The following FAM135B variants were observed in gnomAD, a reference collection of about 807,000 sequenced individuals.
The protein encoded by FAM135B is family with sequence similarity 135 member B.
In FAM135B, 43 loss-of-function variants were observed where a neutral mutation model predicts 127.7. That is an observed-to-expected ratio of 0.34 (90% CI 0.26 to 0.43). The LOEUF is 0.43. FAM135B is among the 20% of genes least tolerant of loss of function. The pLI, the probability that FAM135B is intolerant of heterozygous loss-of-function variation, is 1.00. For missense variants in FAM135B, 1,558 were observed against 1,725.6 expected (o/e 0.90, Z 1.72); for synonymous variants, 670 against 665.1 (o/e 1.01, Z -0.11).
intron 2 of FAM135B, among the ~76,000 whole-genome samples, chr8:138,335,523 A>C (rs1299593862): frequency 1.3e-5 from 2 of 152,302 alleles, no homozygotes; most frequent in East Asian, 1.9e-4. Flanking sequence ...CCATTACATA[A>C]TGGTAAAGGG....
At chr8:138,298,388 A>C (rs1010297346) in intron 3 of FAM135B, among the ~76,000 whole-genome samples, 1 of 152,240 alleles carries the variant, frequency 6.6e-6, no homozygotes, top group East Asian at 1.9e-4. Context: ...TTCCTCTCTC[A>C]GAAGGTGACA....
chr8:138,337,009 T>C (rs1486350119), intron 2 of FAM135B, among the ~76,000 whole-genome samples: 18 of 152,022 alleles, frequency 1.2e-4, no homozygotes, highest in Admixed American at 2.6e-4. Flanking sequence ...ACAAAAACCA[T>C]ATGATTATCT....
chr8:138,372,561 C>T (rs1831202275), intron 1 of FAM135B, among the ~76,000 whole-genome samples: 1 of 152,164 alleles, frequency 6.6e-6, no homozygotes, highest in Non-Finnish European at 1.5e-5. Flanking sequence ...TATTATCTTC[C>T]TGGGCCTCAT....
In FAM135B at chr8:138,144,996, T is replaced by TTTTAG. The variant is rs548056862; in HGVS notation, c.3540+958_3540+962dup. ...TGACTGGCCTGGTTATCCTATTTTA[T>TTTTAG]TTTAGTTTAGTTTAGTTTAGTTTTA... On this transcript the variant is annotated intron_variant, in intron 15 of 19. Transcript: ENST00000395297. Among the ~76,000 whole-genome samples, 573 of 152,214 alleles carry TTTTAG rather than the reference T, an allele frequency of 3.8e-3. 1 individual carries two copies. Among genetic ancestry groups the TTTTAG allele is most frequent in the African/African-American group, 0.013 (550 of 41,522 alleles).
At chr8:138,306,197 G>A (rs1390303488) in intron 3 of FAM135B, among the ~76,000 whole-genome samples, 1 of 152,114 alleles carries the variant, frequency 6.6e-6, no homozygotes, top group African/African-American at 2.4e-5. Context: ...CACTTTGGGA[G>A]GCTGAGGCGG....
chr8:138,335,326 T>C (rs1351978376), intron 2 of FAM135B, among the ~76,000 whole-genome samples: 7 of 152,150 alleles, frequency 4.6e-5, no homozygotes. Context: ...AGCACCCTCA[T>C]CATCTTATTA....
At chr8:138,481,202 T>A (rs1017973659) in intron 1 of FAM135B, among the ~76,000 whole-genome samples, 2 of 152,226 alleles carry the variant, frequency 1.3e-5, no homozygotes, top group Non-Finnish European at 2.9e-5. Context: ...AAATAAATAT[T>A]CTTTCTCAAT....
intron 5 of FAM135B, among the ~76,000 whole-genome samples, chr8:138,255,838 A>G (rs1822042944): frequency 6.6e-6 from 1 of 152,066 alleles, no homozygotes; most frequent in African/African-American, 2.4e-5. Context: ...CGCACTTACA[A>G]CTGAACCCCT....
intron 7 of FAM135B, among the ~76,000 whole-genome samples, chr8:138,206,263 C>A (rs1252664200): frequency 6.8e-6 from 1 of 146,170 alleles, no homozygotes; most frequent in African/African-American, 2.5e-5. Context: ...CTACACACAG[C>A]TCTATCATCC....
chr8:138,470,543 T>C (rs983303803), intron 1 of FAM135B, among the ~76,000 whole-genome samples: 1 of 152,220 alleles, frequency 6.6e-6, no homozygotes, highest in Non-Finnish European at 1.5e-5. Flanking sequence ...AAAAAGCTTT[T>C]ACTTGATTTC....
chr8:138,441,396 G>A (rs890864746), intron 1 of FAM135B: 2 of 152,216 alleles, frequency 1.3e-5, no homozygotes, highest in Admixed American at 1.3e-4. Flanking sequence ...AGTCTCTTCT[G>A]TGAGCTTTAG....
chr8:138,312,603 A>G (rs1826775653), intron 2 of FAM135B, among the ~76,000 whole-genome samples: 1 of 152,216 alleles, frequency 6.6e-6, no homozygotes, highest in South Asian at 2.1e-4. Context: ...CTAGCAAGAC[A>G]GAAAACTTTT....
At chr8:138,263,362 T>C (rs532334805) in intron 4 of FAM135B, among the ~76,000 whole-genome samples, 1 of 151,972 alleles carries the variant, frequency 6.6e-6, no homozygotes, top group Non-Finnish European at 1.5e-5. Flanking sequence ...CTGGACCCAT[T>C]CTCCTCGTAG....
intron 3 of FAM135B, among the ~76,000 whole-genome samples, chr8:138,269,838 C>A (rs1823236343): frequency 6.6e-6 from 1 of 152,102 alleles, no homozygotes; most frequent in Admixed American, 6.6e-5. Flanking sequence ...TTATCAAAAT[C>A]CAAACAGATT....
At chr8:138,352,167 G>A (rs1467494676) in intron 2 of FAM135B, among the ~76,000 whole-genome samples, 2 of 152,126 alleles carry the variant, frequency 1.3e-5, no homozygotes, top group African/African-American at 4.8e-5. Context: ...CCATGAAACA[G>A]TTTCACCCAG....
intron 2 of FAM135B, among the ~76,000 whole-genome samples, chr8:138,323,528 A>G (rs1827594480): frequency 6.6e-6 from 1 of 152,228 alleles, no homozygotes; most frequent in African/African-American, 2.4e-5. Context: ...AGCCATGAGT[A>G]TTAAAAAGCC....
intron 1 of FAM135B, among the ~76,000 whole-genome samples, chr8:138,493,593 G>A (rs1161564298): frequency 6.6e-6 from 1 of 152,156 alleles, no homozygotes; most frequent in Admixed American, 6.5e-5. Context: ...GCAGATGGCT[G>A]GGGGAGCAAA....
chr8:138,283,047 C>T (rs13265294), intron 3 of FAM135B, among the ~76,000 whole-genome samples: 17,642 of 152,032 alleles, frequency 0.12, 1,029 homozygotes, highest in Non-Finnish European at 0.13. Context: ...ATTACAGGCA[C>T]GTGCCACCAT....
chr8:138,423,947 C>T (rs1359741643), intron 1 of FAM135B, among the ~76,000 whole-genome samples: 4 of 152,144 alleles, frequency 2.6e-5, no homozygotes, highest in Non-Finnish European at 5.9e-5. Flanking sequence ...ATATTTCTCC[C>T]ATTTGCTTTT....
Sources: allele counts gnomAD v4.1 joint callset (sites outside exome capture counted in the v4.1 genomes callset), GRCh38; gene constraint gnomAD v4.1.1; transcripts MANE v1.5; gene names NCBI Gene and HGNC (gene_info 2026-07-23, HGNC 2026-07-21).